The following CD1B variants were observed in gnomAD, a reference collection of about 807,000 sequenced individuals.
CD1B encodes CD1b molecule.
A neutral mutation model predicts 39.8 loss-of-function variants in CD1B; 43 were observed. That is an observed-to-expected ratio of 1.08 (90% CI 0.85 to 1.39). The LOEUF (loss-of-function observed/expected upper bound fraction) is 1.39, where lower values mean the gene tolerates loss of function less well. Ranked by LOEUF, CD1B falls within the 40% of genes most tolerant of loss-of-function variation. The probability of loss-of-function intolerance (pLI) is 0.00; values close to 1 mark genes in which losing one functional copy is unlikely to be tolerated. For synonymous variants in CD1B, 192 were observed against 152.5 expected, an observed-to-expected ratio of 1.26 and a Z score of -1.91; for missense variants, 495 against 403.8, an observed-to-expected ratio of 1.23 and a Z score of -1.94.
chr1:158,331,033 T>A lies in CD1B; in HGVS notation c.91A>T (p.Ile31Phe). The A allele has an allele frequency of 6.2e-7, 1 of 1,613,542 alleles. No individual in the cohort carries two copies. Among genetic ancestry groups the A allele is most frequent in the Non-Finnish European group, 8.5e-7 (1 of 1,179,862 alleles). Residue 31 changes from isoleucine to phenylalanine, a missense_variant, in exon 2 of 6, where the codon ATC becomes TTC. Physicochemically the swap from Ile to Phe is conservative, Grantham distance 21. Transcript: ENST00000368168. ...CTATTGGTAAAGGACGAGGTCTGGA[T>A]AACATGAAAGGAGGTCGGCCCCTGG... ...AFQGPTSFHV[I>F]QTSSFTNSTW... is the part of the protein sequence containing the mutation.
chr1:158,328,064 G>T lies in CD1B; in HGVS notation c.*172C>A. 1 of 588,996 alleles carries T rather than the reference G, an allele frequency of 1.7e-6. No homozygotes were observed. Among genetic ancestry groups the T allele is most frequent in the Admixed American group, 3.1e-5 (1 of 32,590 alleles). The allele number at this position is 588,996 out of a possible 1,614,324, so 36.5% of individuals were successfully genotyped here. On this transcript the variant is annotated 3_prime_UTR_variant, in exon 6 of 6. Transcript: ENST00000368168. ...AGTACAGTCTCATAATAAATTTACA[G>T]TTTTAAGTACTTTTTTGCTGATGTT...
At chr1:158,314,651 ATTTTT>A in the CD1B span, among the ~76,000 whole-genome samples, 1 of 147,178 alleles carries the variant, frequency 6.8e-6, no homozygotes, top group South Asian at 2.1e-4. Flanking sequence ...TGTTTTTTTT[ATTTTT>A]TTATTTTTTT....
the CD1B span, among the ~76,000 whole-genome samples, chr1:158,304,419 G>C: frequency 8.5e-5 from 13 of 152,178 alleles, no homozygotes; most frequent in Non-Finnish European, 2.9e-5. Flanking sequence ...GCCTAGGCTT[G>C]AGTAGGTAAA....
At chr1:158,330,353 G>A (rs1652548145) in intron 2 of CD1B, among the ~76,000 whole-genome samples, 1 of 152,170 alleles carries the variant, frequency 6.6e-6, no homozygotes, top group Non-Finnish European at 1.5e-5. Context: ...AGTACAGTGA[G>A]TATGAAAGGA....
chr1:158,290,971 G>A, the CD1B span, among the ~76,000 whole-genome samples: 2 of 152,088 alleles, frequency 1.3e-5, no homozygotes, highest in African/African-American at 4.8e-5. Flanking sequence ...CTCTTTTAGA[G>A]GATGGTGGCA....
chr1:158,312,560 A>G, the CD1B span, among the ~76,000 whole-genome samples: 1 of 152,060 alleles, frequency 6.6e-6, no homozygotes, highest in Non-Finnish European at 1.5e-5. Flanking sequence ...ATTTTTTTGT[A>G]GAGTTTTTAC....
chr1:158,317,102 T>C, the CD1B span, among the ~76,000 whole-genome samples: 11 of 151,952 alleles, frequency 7.2e-5, no homozygotes, highest in Middle Eastern at 3.4e-3. Flanking sequence ...TCATCAAGGA[T>C]ATTGATTGGT....
chr1:158,291,088 CTTTTT>C, the CD1B span: 3 of 1,267,844 alleles, frequency 2.4e-6, no homozygotes, highest in Non-Finnish European at 3.3e-6. Flanking sequence ...CCTTGCCTCT[CTTTTT>C]TTTTTTTTCC....
the CD1B span, among the ~76,000 whole-genome samples, chr1:158,301,366 C>A: frequency 1.4e-4 from 21 of 152,078 alleles, no homozygotes; most frequent in Non-Finnish European, 2.9e-4. Context: ...TTAGTTTATG[C>A]AGTTTCTTCA....
the CD1B span, among the ~76,000 whole-genome samples, chr1:158,305,732 C>G: frequency 3.9e-5 from 6 of 152,236 alleles, no homozygotes; most frequent in African/African-American, 1.4e-4. Context: ...CAGCTGATCT[C>G]TCAGCAGAAA....
In CD1B at chr1:158,330,050, C is replaced by T. The variant is rs35841099; in HGVS notation, c.409G>A (p.Gly137Arg). 0.016 allele frequency: 25,772 copies of T among 1,613,940 alleles called. 268 individuals are homozygous for T. Among genetic ancestry groups the T allele is most frequent in the Non-Finnish European group, 0.018 (20,857 of 1,179,904 alleles). Residue 137 changes from glycine to arginine, a missense_variant, in exon 3 of 6, where the codon GGA becomes AGA. By Grantham distance (125) the Gly-to-Arg change is moderately radical. Transcript: ENST00000368168. ...AIVSFLRGAL[G>R]GLDFLSVKNA... The stretch of plus-strand genomic sequence containing the variant: ...TTGACACTCAGGAAATCCAATCCTC[C>T]TAGAGCTCCCCTCAGGAAGCTTACT...
chr1:158,318,766 C>T, the CD1B span, among the ~76,000 whole-genome samples: 1 of 152,150 alleles, frequency 6.6e-6, no homozygotes, highest in Admixed American at 6.6e-5. Flanking sequence ...TCTTGATGGT[C>T]TTTACATTTT....
the CD1B span, among the ~76,000 whole-genome samples, chr1:158,303,328 T>C: frequency 6.6e-6 from 1 of 152,156 alleles, no homozygotes; most frequent in Non-Finnish European, 1.5e-5. Context: ...AACAACGTAC[T>C]GAATAAACAA....
At chr1:158,326,039 G>A (rs1385920759), downstream of CD1B, among the ~76,000 whole-genome samples, 4 of 151,980 alleles carry the variant, frequency 2.6e-5, no homozygotes, top group South Asian at 2.1e-4. Flanking sequence ...GCGCGATCTC[G>A]GCTCACTGCA....
chr1:158,292,507 A>T, the CD1B span: 5 of 1,498,068 alleles, frequency 3.3e-6, no homozygotes, highest in Middle Eastern at 4.0e-4. Context: ...CAGGAAAAAG[A>T]TAACTGTGCA....
At chr1:158,323,852 G>C (rs1488883096), downstream of CD1B, among the ~76,000 whole-genome samples, 1 of 152,288 alleles carries the variant, frequency 6.6e-6, no homozygotes, top group East Asian at 1.9e-4. Flanking sequence ...CCAGGAGCCT[G>C]TCTCATTGGC....
chr1:158,331,144 T>G, intron 1 of CD1B, 82 bp from the exon 2 acceptor site: 4 of 1,405,988 alleles, frequency 2.8e-6, no homozygotes, highest in Non-Finnish European at 3.9e-6. Context: ...GAAAATGATT[T>G]AGAAAACAAG....
the CD1B span, among the ~76,000 whole-genome samples, chr1:158,311,379 T>A: frequency 2.0e-5 from 3 of 152,196 alleles, no homozygotes; most frequent in Non-Finnish European, 4.4e-5. Flanking sequence ...AATAACTTAC[T>A]TTTTTGCCAT....
the CD1B span, chr1:158,293,606 A>G: frequency 1.9e-6 from 3 of 1,604,660 alleles, no homozygotes; most frequent in African/African-American, 1.3e-5. Context: ...ACATTTGTTA[A>G]TAAAAACCAA....
Sources: allele counts gnomAD v4.1 joint callset (sites outside exome capture counted in the v4.1 genomes callset), GRCh38; gene constraint gnomAD v4.1.1; transcripts MANE v1.5; gene names NCBI Gene and HGNC (gene_info 2026-07-23, HGNC 2026-07-21).